Variants in GCNT1 observed in about 807,000 individuals in gnomAD.
GCNT1 encodes beta-1,3-galactosyl-O-glycosyl-glycoprotein beta-1,6-N-acetylglucosaminyltransferase.
A neutral mutation model predicts 26.2 loss-of-function variants in GCNT1; 16 were observed. The ratio of observed to expected loss-of-function variants is 0.61; its 90% CI spans 0.41 to 0.93. GCNT1 has a LOEUF of 0.93. Among genes scored for constraint, GCNT1 ranks in the 40% least tolerant of loss-of-function variants. GCNT1 has a pLI of 0.00. For missense variants in GCNT1, 477 were observed against 526.7 expected (o/e 0.91, Z 0.92); for synonymous variants, 183 against 190.8 (o/e 0.96, Z 0.34).
chr9:76,441,064 C>CAA (rs758094129), upstream of GCNT1, among the ~76,000 whole-genome samples: 11 of 129,538 alleles, frequency 8.5e-5, no homozygotes, highest in African/African-American at 2.8e-4. Flanking sequence ...GACTCCATCT[C>CAA]AAAAAAAAAC....
rs752459099 is a variant in GCNT1, at chr9:76,502,657, C to CTA, written c.281_282dup (p.Asn95Ter). ...AGCGCCCTCGGTGGACACCTGACGA[C>CTA]TATATAAACATGACCAGTGACTGTT... On this transcript the variant is annotated frameshift_variant, in exon 4 of 4. Transcript: ENST00000376730. LOFTEE classifies it high-confidence loss of function. 1.7e-5 allele frequency: 27 copies of CTA among 1,613,926 alleles called. No homozygotes were observed. Among genetic ancestry groups the CTA allele is most frequent in the Non-Finnish European group, 2.2e-5 (26 of 1,179,972 alleles).
chr9:76,413,893 A>C, the GCNT1 span, among the ~76,000 whole-genome samples: 2 of 151,188 alleles, frequency 1.3e-5, no homozygotes, highest in African/African-American at 4.9e-5. Flanking sequence ...TTTTTTGTCC[A>C]GTCTTTTTTG....
upstream of GCNT1, among the ~76,000 whole-genome samples, chr9:76,419,536 T>A (rs1266341539): frequency 6.6e-6 from 1 of 152,108 alleles, no homozygotes; most frequent in Non-Finnish European, 1.5e-5. Context: ...GGTGTGGCTG[T>A]AGTCCCAACT....
At chr9:76,394,242 C>A in the GCNT1 span, 10 of 1,481,316 alleles carry the variant, frequency 6.8e-6, no homozygotes, top group Non-Finnish European at 8.2e-6. Flanking sequence ...CGACGCGGCG[C>A]CCAGACCCCG....
At chr9:76,399,350 G>T in the GCNT1 span, 123 of 1,483,284 alleles carry the variant, frequency 8.3e-5, no homozygotes, top group Non-Finnish European at 1.0e-4. Context: ...GCAGGCTGCT[G>T]CTGAAAAGGC....
intron 1 of GCNT1, among the ~76,000 whole-genome samples, chr9:76,449,432 A>G (rs1823629003): frequency 6.6e-6 from 1 of 152,212 alleles, no homozygotes; most frequent in South Asian, 2.1e-4. Context: ...GAAACAGCAG[A>G]CACAAGCAAA....
chr9:76,423,659 A>G (rs1330532853), intron 1 of GCNT1, among the ~76,000 whole-genome samples: 1 of 152,258 alleles, frequency 6.6e-6, no homozygotes, highest in Non-Finnish European at 1.5e-5. Flanking sequence ...GCAGATCTGC[A>G]ATGAGAAAGG....
intron 2 of GCNT1, among the ~76,000 whole-genome samples, chr9:76,465,158 T>TG (rs923148364): frequency 2.6e-5 from 4 of 151,926 alleles, no homozygotes; most frequent in Middle Eastern, 3.4e-3. Flanking sequence ...GATTTGAGTT[T>TG]TTTTTTTTTT....
intron 2 of GCNT1, among the ~76,000 whole-genome samples, chr9:76,472,734 CTTTT>C (rs1824160957): frequency 1.1e-5 from 1 of 93,878 alleles, no homozygotes; most frequent in Non-Finnish European, 1.9e-5. Context: ...CTTTTCTTTT[CTTTT>C]CTTTTCTTTT....
chr9:76,414,583 A>G, the GCNT1 span, among the ~76,000 whole-genome samples: 2 of 152,214 alleles, frequency 1.3e-5, no homozygotes, highest in African/African-American at 4.8e-5. Context: ...GGGGTAGATT[A>G]TTCATGAGTT....
chr9:76,475,005 C>T (rs1307798192), intron 2 of GCNT1, among the ~76,000 whole-genome samples: 2 of 152,132 alleles, frequency 1.3e-5, no homozygotes, highest in African/African-American at 2.4e-5. Flanking sequence ...GGCACGATCT[C>T]GGTTCAAGCG....
At chr9:76,460,446 C>G (rs962093421) in intron 2 of GCNT1, among the ~76,000 whole-genome samples, 4 of 152,204 alleles carry the variant, frequency 2.6e-5, no homozygotes, top group African/African-American at 7.2e-5. Context: ...ATTCTGCCCC[C>G]CTTCCAGAGC....
chr9:76,496,085 T>A (rs116090371), intron 2 of GCNT1, among the ~76,000 whole-genome samples: 1,927 of 152,294 alleles, frequency 0.013, 33 homozygotes, highest in African/African-American at 0.044. Context: ...CTAATATGGA[T>A]AAGCAAGCTG....
chr9:76,493,967 T>A (rs1204389665), intron 2 of GCNT1, among the ~76,000 whole-genome samples: 1 of 151,746 alleles, frequency 6.6e-6, no homozygotes, highest in African/African-American at 2.4e-5. Context: ...GGTTTGCAGG[T>A]CAGATTGTCC....
chr9:76,411,042 T>G, the GCNT1 span, among the ~76,000 whole-genome samples: 2 of 152,202 alleles, frequency 1.3e-5, no homozygotes, highest in Admixed American at 1.3e-4. Flanking sequence ...GCATGGAATA[T>G]CTTTCTCCAT....
chr9:76,424,998 G>A (rs1823241724), intron 1 of GCNT1, among the ~76,000 whole-genome samples: 1 of 151,764 alleles, frequency 6.6e-6, no homozygotes, highest in Admixed American at 6.6e-5. Context: ...AATTAGCCAG[G>A]CGTGGTATCA....
chr9:76,461,248 A>G (rs1823864728), intron 2 of GCNT1, among the ~76,000 whole-genome samples: 3 of 151,650 alleles, frequency 2.0e-5, no homozygotes, highest in Non-Finnish European at 4.4e-5. Flanking sequence ...ACTTAAAAAT[A>G]AAAAATGTAA....
Position 76,503,767 on chromosome 9 carries a change from C to A in GCNT1, c.*99C>A. 2.1e-6 allele frequency: 2 copies of A among 936,226 alleles called. No individual in the cohort carries two copies. The highest frequency in any genetic ancestry group is 3.4e-6 in the Non-Finnish European group (2 of 586,516). 58.0% of individuals were successfully genotyped at this position (936,226 alleles called of 1,614,324 possible). On this transcript the variant is annotated 3_prime_UTR_variant, in exon 4 of 4. Coordinates refer to ENST00000376730, the MANE Select transcript of GCNT1 (RefSeq NM_001490.5). ...AGCATCGGGAAGATGGTATGAAGTC[C>A]TCTTTGGGGCAGGGACTCTAGTAGA...
Position 76,504,459 on chromosome 9 carries a change from T to G in GCNT1, c.*791T>G, listed in dbSNP as rs571163829. On this transcript the variant is annotated 3_prime_UTR_variant, in exon 4 of 4. Coordinates refer to ENST00000376730, the MANE Select transcript of GCNT1 (RefSeq NM_001490.5). ...TGCCTCTATCTTCCTTTCCTCAGTC[T>G]TCCCAGACTGCTATCAAGCTGTGTA... The G allele has an allele frequency of 8.1e-4, 224 of 277,994 alleles. 1 individual carries two copies. Among genetic ancestry groups the G allele is most frequent in the African/African-American group, 3.1e-3 (143 of 45,758 alleles). The allele number at this position is 277,994 out of a possible 1,614,324, so 17.2% of individuals were successfully genotyped here. A position where few individuals can be genotyped will look rare whatever the true frequency, so the allele number is the denominator to read the frequency against.
Sources: allele counts gnomAD v4.1 joint callset (sites outside exome capture counted in the v4.1 genomes callset), GRCh38; gene constraint gnomAD v4.1.1; transcripts MANE v1.5; gene names NCBI Gene and HGNC (gene_info 2026-07-23, HGNC 2026-07-21).